The following HMCN1 variants were observed in gnomAD, a reference collection of about 807,000 sequenced individuals.
HMCN1 encodes hemicentin-1.
Under a neutral mutation model 625.9 loss-of-function variants are expected in HMCN1, and 321 were observed. That is an observed-to-expected ratio of 0.51 (90% CI 0.47 to 0.56). HMCN1 has a LOEUF of 0.56. Ranked by LOEUF, HMCN1 falls within the 20% of genes least tolerant of loss-of-function variation. HMCN1 has a pLI of 0.00. For missense variants in HMCN1, 6,588 were observed against 6,887.3 expected, an observed-to-expected ratio of 0.96 and a Z score of 1.54; for synonymous variants, 2,425 against 2,417.6, an observed-to-expected ratio of 1.00 and a Z score of -0.09.
chr1:186,102,261 G>T (rs1239207251), intron 68 of HMCN1, among the ~76,000 whole-genome samples: 1 of 152,200 alleles, frequency 6.6e-6, no homozygotes, highest in South Asian at 2.1e-4. Flanking sequence ...AGTAAAAAGA[G>T]GTCATGTGGG....
chr1:186,022,591 G>A lies in HMCN1; in HGVS notation c.5626-439G>A, dbSNP rs538757875. ...GTGAAAAATAGGAAGAAATTTATCTGCATTCTCATAATTCATATTTTATAA... is the reference window on the plus strand; with the variant it reads ...GTGAAAAATAGGAAGAAATTTATCTACATTCTCATAATTCATATTTTATAA... On this transcript the variant is annotated intron_variant, in intron 35 of 106. Transcript: ENST00000271588. Among the ~76,000 whole-genome samples the A allele has an allele frequency of 3.5e-4, 54 of 152,234 alleles. No individual in the cohort carries two copies. In the East Asian group the frequency reaches 4.4e-3, roughly 13 times the overall value.
Position 185,978,034 on chromosome 1 carries a change from TTA to T in HMCN1, c.2566+55_2566+56del, listed in dbSNP as rs1481015274. ...GAATATGTACTTTTATGTTATATAT[TTA>T]TGTTTTATACATAGGTATTGCTATT... On this transcript the variant is annotated intron_variant, in intron 16 of 106. Coordinates refer to ENST00000271588, the MANE Select transcript of HMCN1 (RefSeq NM_031935.3). 45 of 1,282,428 alleles carry T rather than the reference TTA, an allele frequency of 3.5e-5. No individual in the cohort carries two copies. In the East Asian group the frequency reaches 9.1e-4, roughly 26 times the overall value. 79.4% of individuals were successfully genotyped at this position (1,282,428 alleles called of 1,614,324 possible).
Position 186,125,721 on chromosome 1 carries a change from A to G in HMCN1, c.12617A>G (p.Asn4206Ser), listed in dbSNP as rs143242740. ...CCAGCAATTAACTGGAAAAAAGACAATGTTCTTTTAGCTAACTTGTTAGGA... is the reference window on the plus strand; with the variant it reads ...CCAGCAATTAACTGGAAAAAAGACAGTGTTCTTTTAGCTAACTTGTTAGGA... ...PTPAINWKKDNVLLANLLGKY... is the reference protein window; with the variant it reads ...PTPAINWKKDSVLLANLLGKY... The change falls in exon 82 of 107, where the codon AAT becomes AGT. Residue 4206 changes from asparagine (N) to serine (S), a missense_variant. This residue lies in a region of HMCN1 where 1,954 missense variants were observed against 2,013.1 expected (regional missense o/e 0.97). Coordinates refer to ENST00000271588, the MANE Select transcript of HMCN1 (RefSeq NM_031935.3). 6.8e-6 allele frequency: 11 copies of G among 1,613,262 alleles called. No individual in the cohort carries two copies. In the African/African-American group the frequency reaches 8.0e-5, roughly 12 times the overall value.
intron 97 of HMCN1, among the ~76,000 whole-genome samples, chr1:186,159,104 C>G (rs1346365256): frequency 5.3e-5 from 8 of 151,688 alleles, no homozygotes; most frequent in Non-Finnish European, 7.4e-5. Flanking sequence ...TCTTTTATTT[C>G]ATTGAGCAGT....
At chr1:185,929,232 G>T (rs979078510) in intron 10 of HMCN1, among the ~76,000 whole-genome samples, 1 of 152,032 alleles carries the variant, frequency 6.6e-6, no homozygotes, top group Non-Finnish European at 1.5e-5. Flanking sequence ...TAATGAAAAT[G>T]ATTACATTCT....
intron 100 of HMCN1, among the ~76,000 whole-genome samples, chr1:186,170,212 A>C (rs370253951): frequency 2.0e-5 from 3 of 152,244 alleles, no homozygotes; most frequent in East Asian, 1.9e-4. Context: ...GATGCTGGAG[A>C]GGAGGTGGAG....
At chr1:186,107,108 C>T (rs553115624) in intron 70 of HMCN1, 143 bp downstream of exon 70, 22 of 656,334 alleles carry the variant, frequency 3.4e-5, no homozygotes, top group Admixed American at 1.5e-4. Flanking sequence ...TTTTTTGAGA[C>T]GGAGTCTCGC....
Position 185,993,567 on chromosome 1 carries a change from A to C in HMCN1, c.3505+258A>C, listed in dbSNP as rs1450327832. The C allele has an allele frequency of 3.7e-5, 15 of 409,202 alleles. No homozygotes were observed. In the East Asian group the frequency reaches 7.7e-4, roughly 21 times the overall value. 25.3% of individuals were successfully genotyped at this position (409,202 alleles called of 1,614,324 possible). A position where few individuals can be genotyped will look rare whatever the true frequency, so the allele number is the denominator to read the frequency against. On this transcript the variant is annotated intron_variant, in intron 23 of 106. Transcript: ENST00000271588. ...GATCTCAATTTTTCTACTGGTCAACAGTCACTTATTGCTATTATTGTTGAT... is the reference window on the plus strand; with the variant it reads ...GATCTCAATTTTTCTACTGGTCAACCGTCACTTATTGCTATTATTGTTGAT...
At chr1:185,831,855 A>C (rs1660880992) in intron 1 of HMCN1, among the ~76,000 whole-genome samples, 1 of 152,196 alleles carries the variant, frequency 6.6e-6, no homozygotes, top group African/African-American at 2.4e-5. Context: ...ACCTTCTAAG[A>C]TTTCCCCCAA....
chr1:185,956,520 T>C (rs936660996), intron 11 of HMCN1, among the ~76,000 whole-genome samples: 2 of 152,226 alleles, frequency 1.3e-5, no homozygotes, highest in African/African-American at 4.8e-5. Flanking sequence ...GGGTGAGGTA[T>C]GGTAGAAGTG....
intron 16 of HMCN1, among the ~76,000 whole-genome samples, chr1:185,979,227 A>G (rs192988909): frequency 3.9e-4 from 59 of 152,202 alleles, no homozygotes; most frequent in African/African-American, 1.4e-3. Context: ...TCCAGGTGAA[A>G]AAATGGATTT....
At chr1:185,809,551 G>T (rs933292249) in intron 1 of HMCN1, among the ~76,000 whole-genome samples, 1 of 151,678 alleles carries the variant, frequency 6.6e-6, no homozygotes, top group Non-Finnish European at 1.5e-5. Flanking sequence ...TTCCTACTGT[G>T]CATCTTGTAT....
chr1:186,163,923 C>A (rs1390134954), intron 97 of HMCN1, among the ~76,000 whole-genome samples: 1 of 152,166 alleles, frequency 6.6e-6, no homozygotes, highest in Non-Finnish European at 1.5e-5. Flanking sequence ...TAACCAAAAA[C>A]CTAACACTAC....
intron 25 of HMCN1, among the ~76,000 whole-genome samples, chr1:185,997,955 A>C (rs914959912): frequency 6.6e-6 from 1 of 151,992 alleles, no homozygotes; most frequent in Non-Finnish European, 1.5e-5. Flanking sequence ...TCTTTTCCTA[A>C]ATCTACTCTC....
intron 11 of HMCN1, among the ~76,000 whole-genome samples, chr1:185,955,966 G>A (rs1001371633): frequency 6.6e-6 from 1 of 152,070 alleles, no homozygotes; most frequent in Admixed American, 6.6e-5. Flanking sequence ...TACCTATAAT[G>A]TGAAGCATCT....
chr1:186,093,323 G>A (rs994988199), intron 65 of HMCN1, 65 bp downstream of exon 65: 1 of 1,603,724 alleles, frequency 6.2e-7, no homozygotes, highest in African/African-American at 1.3e-5. Flanking sequence ...AGAAGTGAAG[G>A]CCCAGCAGCA....
At chr1:186,014,164 G>A (rs2102127052) in intron 30 of HMCN1, among the ~76,000 whole-genome samples, 1 of 152,168 alleles carries the variant, frequency 6.6e-6, no homozygotes, top group African/African-American at 2.4e-5. Context: ...GATGAAAATA[G>A]CACTTTACCT....
Position 185,936,426 on chromosome 1 carries a change from A to G in HMCN1, c.1828+2602A>G, listed in dbSNP as rs146230516. Among the ~76,000 whole-genome samples the G allele has an allele frequency of 7.6e-3, 1,157 of 152,154 alleles. 20 individuals carry two copies. The highest frequency in any genetic ancestry group is 0.027 in the African/African-American group (1,124 of 41,528). ...ATGTAAATATGTATATAGAACATTT[A>G]TCTATATTTTAAGATCACTGGAATG... On this transcript the variant is annotated intron_variant, in intron 11 of 106. Transcript: ENST00000271588.
intron 71 of HMCN1, among the ~76,000 whole-genome samples, chr1:186,109,862 C>T (rs188494014): frequency 2.0e-5 from 3 of 152,310 alleles, no homozygotes; most frequent in African/African-American, 7.2e-5. Context: ...CAACTTAGCT[C>T]ACAAGCCCTT....
Sources: allele counts gnomAD v4.1 joint callset (sites outside exome capture counted in the v4.1 genomes callset), GRCh38; gene constraint gnomAD v4.1.1; regional missense constraint gnomAD v4.1.1; transcripts MANE v1.5; gene names NCBI Gene and HGNC (gene_info 2026-07-23, HGNC 2026-07-21).